Variants in PYROXD2 observed in about 807,000 individuals in gnomAD.
PYROXD2 encodes the protein pyridine nucleotide-disulphide oxidoreductase domain 2.
PYROXD2 carries 69 observed loss-of-function variants against 71.1 expected under a neutral mutation model. That is an observed-to-expected ratio of 0.97 (90% CI 0.80 to 1.19). The LOEUF (loss-of-function observed/expected upper bound fraction) is 1.19, where lower values mean the gene tolerates loss of function less well. Among genes scored for constraint, PYROXD2 ranks in the 50% most tolerant of loss-of-function variants. PYROXD2 has a pLI of 0.00. For missense variants in PYROXD2, 745 were observed against 748.9 expected (o/e 0.99, Z 0.06); for synonymous variants, 287 against 302.7 (o/e 0.95, Z 0.54).
At chr10:98,401,277 CA>C (rs1256596375) in intron 4 of PYROXD2, among the ~76,000 whole-genome samples, 1 of 104,174 alleles carries the variant, frequency 9.6e-6, no homozygotes, top group East Asian at 2.7e-4. Context: ...CAAAAAAAAA[CA>C]AACATAGAAA....
chr10:98,402,774 A>G (rs1369286572), intron 4 of PYROXD2, among the ~76,000 whole-genome samples: 1 of 152,186 alleles, frequency 6.6e-6, no homozygotes, highest in African/African-American at 2.4e-5. Flanking sequence ...AGCACTTGTC[A>G]GCACATGGCT....
chr10:98,384,433 C>T (rs1203567077), intron 15 of PYROXD2, among the ~76,000 whole-genome samples: 1 of 152,076 alleles, frequency 6.6e-6, no homozygotes, highest in Admixed American at 6.5e-5. Flanking sequence ...GCCCGGGCAA[C>T]CTAACAAAAC....
chr10:98,398,037 C>A (rs970819695), intron 5 of PYROXD2, among the ~76,000 whole-genome samples: 10 of 151,976 alleles, frequency 6.6e-5, no homozygotes, highest in Admixed American at 6.6e-4. Context: ...CACCTGCCAC[C>A]ACGCCCGGCT....
At chr10:98,388,263 C>G in intron 13 of PYROXD2, 91 bp downstream of exon 13, 1 of 1,339,786 alleles carries the variant, frequency 7.5e-7, no homozygotes, top group Admixed American at 1.8e-5. Context: ...CTGCAGTTGT[C>G]AATCCTGAAT....
At chr10:98,404,458 G>T (rs733345) in intron 4 of PYROXD2, among the ~76,000 whole-genome samples, 52,890 of 151,880 alleles carry the variant, frequency 0.35, 9,923 homozygotes, top group South Asian at 0.49. Flanking sequence ...TTAACAATAG[G>T]TTTAATTATG....
chr10:98,400,203 C>G lies in PYROXD2; in HGVS notation c.370G>C (p.Glu124Gln). 6.2e-7 allele frequency: 1 copy of G among 1,613,098 alleles called. No individual in the cohort carries two copies. Among genetic ancestry groups the G allele is most frequent in the Non-Finnish European group, 8.5e-7 (1 of 1,179,528 alleles). Residue 124 changes from glutamate (E) to glutamine (Q), a missense_variant, in exon 5 of 16, where the codon GAA becomes CAA. By Grantham distance (29) the Glu-to-Gln change is conservative. Transcript: ENST00000370575. ...RNPYSFTPML[E>Q]EGAGSKVPRC... Reference sequence around the variant, plus strand: ...GGCACCTTGCTGCCTGCACCCTCTTCCAGCATGGGGGTGAAGGAGTAGGGG... The same window carrying G: ...GGCACCTTGCTGCCTGCACCCTCTTGCAGCATGGGGGTGAAGGAGTAGGGG...
At chr10:98,395,648 A>G (rs550645398) in intron 6 of PYROXD2, among the ~76,000 whole-genome samples, 196 bp from the exon 7 acceptor site, 2 of 152,112 alleles carry the variant, frequency 1.3e-5, no homozygotes, top group Admixed American at 6.5e-5. Context: ...ACACATTTTT[A>G]ACATCTCTGA....
At position 98,388,504 on chromosome 10, in the gene PYROXD2, C is replaced by G; in HGVS notation, c.1297G>C (p.Val433Leu). Residue 433 changes from valine (V) to leucine (L), a missense_variant, in exon 13 of 16, where the codon GTG (valine) becomes CTG (leucine). Coordinates refer to ENST00000370575, the MANE Select transcript of PYROXD2 (RefSeq NM_032709.3). Reference sequence around the variant, plus strand: ...GAGGAAGGGATGCAGAGCTCAATCACAGGCCTGTGCGGGCAGGGAGGAGAC... The same window carrying G: ...GAGGAAGGGATGCAGAGCTCAATCAGAGGCCTGTGCGGGCAGGGAGGAGAC... ...AMDGLPSHRP[V>L]IELCIPSSLD... 1 of 1,599,896 alleles carries G rather than the reference C, an allele frequency of 6.3e-7. No individual in the cohort carries two copies.
At chr10:98,411,331 G>T (rs901286214) in intron 1 of PYROXD2, 5 of 267,228 alleles carry the variant, frequency 1.9e-5, no homozygotes, top group Non-Finnish European at 2.8e-5. Context: ...AGAAGCAATG[G>T]GTGGCTGGCA....
rs1842975580 is a variant in PYROXD2, at chr10:98,392,417, T to C, written c.1062+15A>G. The C allele has an allele frequency of 6.2e-7, 1 of 1,612,342 alleles. No individual in the cohort carries two copies. The highest frequency in any genetic ancestry group is 8.5e-7 in the Non-Finnish European group (1 of 1,179,642). On this transcript the variant is annotated intron_variant, in intron 10 of 15. Coordinates refer to ENST00000370575, the MANE Select transcript of PYROXD2 (RefSeq NM_032709.3). ...GGCAGACATCTAAGCTCCACCCTCC[T>C]GCCCACAGCCTCACCTGTGGCGTCA...
chr10:98,383,776 C>T lies in PYROXD2; in HGVS notation c.*22G>A. The T allele has an allele frequency of 1.9e-6, 3 of 1,611,104 alleles. No homozygotes were observed. Among genetic ancestry groups the T allele is most frequent in the Non-Finnish European group, 2.5e-6 (3 of 1,177,270 alleles). ...GGAATTCAGGGGTGGAGTCTTCTTC[C>T]TGGGTCAGAGCTGGTTCAGGGTCAC... On this transcript the variant is annotated 3_prime_UTR_variant, in exon 16 of 16. Transcript: ENST00000370575.
At chr10:98,413,783 C>A (rs1406116929) in intron 1 of PYROXD2, among the ~76,000 whole-genome samples, 1 of 151,846 alleles carries the variant, frequency 6.6e-6, no homozygotes, top group Non-Finnish European at 1.5e-5. Flanking sequence ...GGACATAAAT[C>A]TTTGTTGTTT....
intron 2 of PYROXD2, 140 bp from the exon 3 acceptor site, chr10:98,408,137 T>A (rs568478719): frequency 8.1e-5 from 56 of 690,620 alleles, no homozygotes; most frequent in Non-Finnish European, 1.2e-4. Context: ...CCGCTCATGC[T>A]GTTCCTGCCT....
At position 98,388,117 on chromosome 10, in the gene PYROXD2, C is replaced by T. The variant is rs77461094; in HGVS notation, c.1447+237G>A. 4.5e-3 allele frequency: 2,434 copies of T among 539,932 alleles called. 52 individuals carry two copies. Among genetic ancestry groups the T allele is most frequent in the African/African-American group, 0.039 (2,032 of 52,088 alleles). The allele number at this position is 539,932 out of a possible 1,614,324, so 33.4% of individuals were successfully genotyped here. A position where few individuals can be genotyped will look rare whatever the true frequency, so the allele number is the denominator to read the frequency against. On this transcript the variant is annotated intron_variant, in intron 13 of 15. Transcript: ENST00000370575. Reference sequence around the variant, plus strand: ...AAAAGGTTTCTTAATTAGTCTCCTCCATCCCTTGCTAGACTGTGAGCAACT... The same window carrying T: ...AAAAGGTTTCTTAATTAGTCTCCTCTATCCCTTGCTAGACTGTGAGCAACT...
chr10:98,395,275 C>T lies in PYROXD2; in HGVS notation c.706G>A (p.Glu236Lys), dbSNP rs752651721. The stretch of plus-strand genomic sequence containing the variant: ...AGAGTGGCTTTTAAAGGCTCAGACT[C>T]GAACCACTGATCCAGCACCTGGACA... ...PITKVLDQWF[E>K]SEPLKATLAT... Residue 236 changes from glutamate to lysine, a missense_variant, in exon 8 of 16, where the codon GAG becomes AAG. Physicochemically the swap from Glu to Lys is moderately conservative, Grantham distance 56 (BLOSUM62 1). Coordinates refer to ENST00000370575, the MANE Select transcript of PYROXD2 (RefSeq NM_032709.3). 7.4e-6 allele frequency: 12 copies of T among 1,614,038 alleles called. No homozygotes were observed. Among genetic ancestry groups the T allele is most frequent in the African/African-American group, 2.7e-5 (2 of 74,890 alleles).
chr10:98,414,980 C>G (rs755397103), intron 1 of PYROXD2, 29 bp downstream of exon 1: 3 of 1,609,664 alleles, frequency 1.9e-6, no homozygotes, highest in Non-Finnish European at 2.5e-6. Flanking sequence ...CGCCCCTCAG[C>G]TCTGGCCCGG....
intron 6 of PYROXD2, 131 bp downstream of exon 6, chr10:98,397,214 A>T: frequency 8.0e-7 from 1 of 1,251,152 alleles, no homozygotes; most frequent in African/African-American, 1.5e-5. Context: ...CCCCTAATTG[A>T]TCGCAGCATG....
chr10:98,390,652 G>A lies in PYROXD2; in HGVS notation c.1238C>T (p.Thr413Ile), dbSNP rs776957091. ...TTCAAAGGCCTGATGAAGGAGGAGG[G>A]TGTCTTCACAGTTCAGGTGGATGGA... Reference protein sequence around the residue: ...QCSIHLNCEDTLLLHQAFEDA... With the variant: ...QCSIHLNCEDILLLHQAFEDA... The change falls in exon 12 of 16, where the codon ACC (threonine) becomes ATC (isoleucine). Residue 413 changes from threonine (T) to isoleucine (I), a missense_variant. Thr to Ile is a moderately conservative substitution (Grantham distance 89). Transcript: ENST00000370575. The A allele has an allele frequency of 5.0e-6, 8 of 1,612,310 alleles. No individual in the cohort carries two copies. Among genetic ancestry groups the A allele is most frequent in the African/African-American group, 4.0e-5 (3 of 74,894 alleles).
At chr10:98,406,517 A>G (rs1297065433) in intron 4 of PYROXD2, among the ~76,000 whole-genome samples, 1 of 152,188 alleles carries the variant, frequency 6.6e-6, no homozygotes, top group Non-Finnish European at 1.5e-5. Flanking sequence ...AACTCTCTAC[A>G]TGAACCAGTT....
Sources: gnomAD v4.1 joint callset for allele counts (sites outside exome capture counted in the v4.1 genomes callset) on GRCh38, gnomAD v4.1.1 for gene constraint, MANE v1.5 for transcripts, NCBI Gene and HGNC (gene_info 2026-07-23, HGNC 2026-07-21) for gene names.